Variants in ERC1 observed in about 807,000 individuals in gnomAD.
ERC1 encodes ELKS/RAB6-interacting/CAST family member 1.
In ERC1, 56 loss-of-function variants were observed where a neutral mutation model predicts 132.0. That is an observed-to-expected ratio of 0.42 (90% CI 0.34 to 0.53). ERC1 has a LOEUF of 0.53. Ranked by LOEUF, ERC1 falls within the 20% of genes least tolerant of loss-of-function variation. The pLI is 0.03. For synonymous variants in ERC1, 478 were observed against 476.1 expected (o/e 1.00, Z -0.05); for missense variants, 1,202 against 1,349.9 (o/e 0.89, Z 1.72).
At chr12:1,280,592 T>C (rs1227517834) in intron 14 of ERC1, among the ~76,000 whole-genome samples, 2 of 152,148 alleles carry the variant, frequency 1.3e-5, no homozygotes, top group African/African-American at 4.8e-5. Context: ...GAAATTATTA[T>C]CCCCACAAGT....
intron 15 of ERC1, among the ~76,000 whole-genome samples, chr12:1,331,583 T>G (rs555835745): frequency 5.3e-4 from 81 of 152,298 alleles, no homozygotes; most frequent in Admixed American, 9.8e-4. Context: ...TTTCTGTTCT[T>G]GAATCCATCT....
Position 1,168,790 on chromosome 12 carries a change from C to T in ERC1, c.1738-11750C>T, listed in dbSNP as rs1023756616. Among the ~76,000 whole-genome samples, 26 of 151,814 alleles carry T rather than the reference C, an allele frequency of 1.7e-4. 1 individual carries two copies. The highest frequency in any genetic ancestry group is 4.3e-4 in the African/African-American group (18 of 41,404). On this transcript the variant is annotated intron_variant, in intron 8 of 18. Transcript: ENST00000360905. ...GCGTGAGCCATCGTGCCGGCTGTGA[C>T]GGGTCATTTTAAACAACATTCTGGA...
chr12:1,476,619 G>C (rs1215907280), intron 18 of ERC1, among the ~76,000 whole-genome samples: 2 of 152,138 alleles, frequency 1.3e-5, no homozygotes, highest in Non-Finnish European at 2.9e-5. Flanking sequence ...GGATTGGTTG[G>C]TTTGTTGGAG....
chr12:1,022,231 A>G (rs1005920843), intron 1 of ERC1, among the ~76,000 whole-genome samples: 1 of 152,154 alleles, frequency 6.6e-6, no homozygotes, highest in African/African-American at 2.4e-5. Flanking sequence ...AGTACATTTT[A>G]TATTGTGATC....
intron 18 of ERC1, chr12:1,480,848 G>T (rs546830210): frequency 1.0e-5 from 7 of 702,390 alleles, no homozygotes; most frequent in African/African-American, 1.7e-5. Context: ...CACAGAATCC[G>T]TTGCATCCCA....
chr12:1,228,660 T>C (rs550369953), intron 12 of ERC1, among the ~76,000 whole-genome samples: 1 of 152,332 alleles, frequency 6.6e-6, no homozygotes, highest in South Asian at 2.1e-4. Flanking sequence ...TTATCGGCTG[T>C]GGGCTAATCA....
intron 15 of ERC1, among the ~76,000 whole-genome samples, chr12:1,302,823 C>T (rs1007190363): frequency 6.6e-6 from 1 of 151,920 alleles, no homozygotes; most frequent in African/African-American, 2.4e-5. Flanking sequence ...AATAGCGGGG[C>T]ATGGTGGCAC....
chr12:1,288,609 G>T (rs1566492968), intron 14 of ERC1, among the ~76,000 whole-genome samples: 1 of 152,118 alleles, frequency 6.6e-6, no homozygotes. Context: ...AATTTCCAAG[G>T]GTCAGTGAAA....
intron 8 of ERC1, among the ~76,000 whole-genome samples, chr12:1,155,419 A>G (rs187430279): frequency 4.6e-5 from 7 of 152,124 alleles, no homozygotes; most frequent in Admixed American, 4.6e-4. Flanking sequence ...AAAGACATCT[A>G]TGATATGGAA....
intron 3 of ERC1, among the ~76,000 whole-genome samples, chr12:1,099,121 A>G (rs906367009): frequency 6.6e-6 from 1 of 152,178 alleles, no homozygotes; most frequent in African/African-American, 2.4e-5. Context: ...AGTTGTTTCA[A>G]TGGAGGGGTA....
intron 7 of ERC1, among the ~76,000 whole-genome samples, chr12:1,141,404 G>A (rs1201004075): frequency 2.6e-5 from 4 of 152,174 alleles, no homozygotes; most frequent in African/African-American, 7.2e-5. Flanking sequence ...AGATGATTCT[G>A]ATGTGCATGA....
At chr12:1,215,049 T>C (rs1304983253) in intron 12 of ERC1, among the ~76,000 whole-genome samples, 1 of 152,240 alleles carries the variant, frequency 6.6e-6, no homozygotes, top group Non-Finnish European at 1.5e-5. Flanking sequence ...ATGTTAATTT[T>C]ATGATTTTGT....
At chr12:1,477,616 G>GT (rs1312100337) in intron 18 of ERC1, among the ~76,000 whole-genome samples, 2 of 152,200 alleles carry the variant, frequency 1.3e-5, no homozygotes, top group South Asian at 2.1e-4. Flanking sequence ...TCCTTGATGG[G>GT]TTTTTTTCTG....
At chr12:1,360,112 A>T (rs1278259565) in intron 15 of ERC1, among the ~76,000 whole-genome samples, 1 of 152,230 alleles carries the variant, frequency 6.6e-6, no homozygotes, top group African/African-American at 2.4e-5. Context: ...TGTTTGTTTA[A>T]GAAGACATTC....
At chr12:1,467,457 C>G (rs1247827709) in intron 18 of ERC1, among the ~76,000 whole-genome samples, 1 of 152,148 alleles carries the variant, frequency 6.6e-6, no homozygotes, top group Non-Finnish European at 1.5e-5. Context: ...CCAGCTTAAC[C>G]TCTTCATTGT....
At chr12:1,352,120 C>G (rs1233675968) in intron 15 of ERC1, among the ~76,000 whole-genome samples, 1 of 152,126 alleles carries the variant, frequency 6.6e-6, no homozygotes, top group Admixed American at 6.6e-5. Context: ...CTTATTGCCT[C>G]AAGGACTCTT....
chr12:1,108,048 CT>C (rs1419994016), intron 4 of ERC1, among the ~76,000 whole-genome samples: 1 of 152,124 alleles, frequency 6.6e-6, no homozygotes, highest in Non-Finnish European at 1.5e-5. Flanking sequence ...GTTGGAATGA[CT>C]TTCCTTAAAC....
chr12:1,015,276 C>A, intron 1 of ERC1, among the ~76,000 whole-genome samples: 1 of 152,046 alleles, frequency 6.6e-6, no homozygotes, highest in South Asian at 2.1e-4. Context: ...CCAGGCTGGT[C>A]TTGAACTCCT....
intron 17 of ERC1, among the ~76,000 whole-genome samples, chr12:1,440,447 C>T (rs1555095455): frequency 2.0e-5 from 3 of 150,018 alleles, no homozygotes; most frequent in Non-Finnish European, 4.4e-5. Context: ...ACCTCGTGAT[C>T]TGCCCTCCTT....
Sources: allele counts gnomAD v4.1 joint callset (sites outside exome capture counted in the v4.1 genomes callset), GRCh38; gene constraint gnomAD v4.1.1; transcripts MANE v1.5; gene names NCBI Gene and HGNC (gene_info 2026-07-23, HGNC 2026-07-21).